Variants in IL4R observed in about 807,000 individuals in gnomAD.
The protein encoded by IL4R is interleukin 4 receptor.
Under a neutral mutation model 41.5 loss-of-function variants are expected in IL4R, and 17 were observed. The observed-to-expected ratio is 0.41, with a 90% CI of 0.28 to 0.61. The LOEUF (loss-of-function observed/expected upper bound fraction) is 0.61, where lower values mean the gene tolerates loss of function less well. Among genes scored for constraint, IL4R ranks in the 20% least tolerant of loss-of-function variants. The pLI is 0.31. For synonymous variants in IL4R, 402 were observed against 422.9 expected (o/e 0.95, Z 0.61); for missense variants, 974 against 1,043.1 (o/e 0.93, Z 0.91).
chr16:27,347,763 G>A (rs942222240), intron 6 of IL4R, among the ~76,000 whole-genome samples: 4 of 152,200 alleles, frequency 2.6e-5, no homozygotes, highest in South Asian at 2.1e-4. Context: ...TGTGCCACTC[G>A]CCAGCTGTGT....
intron 2 of IL4R, among the ~76,000 whole-genome samples, chr16:27,334,598 C>A (rs2085202190): frequency 6.6e-6 from 1 of 152,058 alleles, no homozygotes; most frequent in African/African-American, 2.4e-5. Context: ...TCTCTTTATT[C>A]ATAATTGAGG....
At chr16:27,333,960 G>A (rs2085183266) in intron 2 of IL4R, among the ~76,000 whole-genome samples, 1 of 151,758 alleles carries the variant, frequency 6.6e-6, no homozygotes, top group Admixed American at 6.6e-5. Context: ...TTGGCTCACT[G>A]CAAGCTCCGC....
At chr16:27,343,310 G>A (rs964303080) in intron 4 of IL4R, among the ~76,000 whole-genome samples, 6 of 152,212 alleles carry the variant, frequency 3.9e-5, no homozygotes, top group Non-Finnish European at 8.8e-5. Context: ...TATGGCCCGT[G>A]AGCCAAATCC....
At chr16:27,313,831 G>A (rs1406401448), upstream of IL4R, 4 of 829,584 alleles carry the variant, frequency 4.8e-6, no homozygotes, top group African/African-American at 7.4e-5. Flanking sequence ...GCCGGGACCC[G>A]GGCCGGGCGC....
chr16:27,322,385 C>T (rs1166073748), intron 1 of IL4R, among the ~76,000 whole-genome samples: 4 of 152,070 alleles, frequency 2.6e-5, no homozygotes, highest in South Asian at 2.1e-4. Context: ...CTATGTTTCC[C>T]GGGCCAGTCT....
At chr16:27,359,866 C>G (rs1182968630) in intron 9 of IL4R, 2 of 437,894 alleles carry the variant, frequency 4.6e-6, no homozygotes, top group African/African-American at 2.1e-5. Flanking sequence ...GTTACAACAA[C>G]TTTATTTAGC....
At chr16:27,362,096 A>C (rs2086313536) in intron 10 of IL4R, among the ~76,000 whole-genome samples, 156 bp from the exon 11 acceptor site, 1 of 152,198 alleles carries the variant, frequency 6.6e-6, no homozygotes, top group South Asian at 2.1e-4. Flanking sequence ...TTCTCATTCT[A>C]GCAACATAGA....
chr16:27,363,774 A>T lies in IL4R; in HGVS notation c.2422A>T (p.Thr808Ser). The T allele has an allele frequency of 6.2e-7, 1 of 1,611,216 alleles. No homozygotes were observed. Among genetic ancestry groups the T allele is most frequent in the East Asian group, 2.2e-5 (1 of 44,870 alleles). Reference sequence around the variant, plus strand: ...TGGCAATGCTCAGAGCTCAAGCCAGACCCCCAAAATCGTGAACTTTGTCTC... The same window carrying T: ...TGGCAATGCTCAGAGCTCAAGCCAGTCCCCCAAAATCGTGAACTTTGTCTC... ...APGNAQSSSQ[T>S]PKIVNFVSVG... is the part of the protein sequence containing the mutation. Residue 808 changes from threonine (T) to serine (S), a missense_variant, in exon 11 of 11, where the codon ACC becomes TCC. Thr to Ser is a moderately conservative substitution (Grantham distance 58). This residue lies in a region of IL4R where 682 missense variants were observed against 704.3 expected (regional missense o/e 0.97). Transcript: ENST00000395762.
intron 7 of IL4R, chr16:27,355,133 G>A (rs1279969931): frequency 7.8e-6 from 3 of 384,862 alleles, no homozygotes; most frequent in African/African-American, 6.3e-5. Context: ...ATTCTGGAGG[G>A]AGAGACAAAA....
intron 3 of IL4R, chr16:27,341,175 T>C (rs1182669450): frequency 1.4e-6 from 1 of 694,196 alleles, no homozygotes; most frequent in Non-Finnish European, 2.6e-6. Flanking sequence ...CTCTGGGAGG[T>C]AGATTTGAGG....
At chr16:27,359,021 GT>G in intron 9 of IL4R, 27 bp downstream of exon 9, 1 of 1,542,348 alleles carries the variant, frequency 6.5e-7, no homozygotes, top group South Asian at 1.1e-5. Context: ...ATGAGGACAT[GT>G]GGGACTGTGT....
chr16:27,333,976 G>A (rs922928689), intron 2 of IL4R, among the ~76,000 whole-genome samples: 6 of 151,832 alleles, frequency 4.0e-5, no homozygotes, highest in Non-Finnish European at 5.9e-5. Flanking sequence ...TCCGCCTCCC[G>A]GGTTCAAGCC....
chr16:27,340,282 C>T lies in IL4R; in HGVS notation c.70+9C>T, dbSNP rs199688429. The T allele has an allele frequency of 4.3e-5, 70 of 1,609,268 alleles. No individual in the cohort carries two copies. Among genetic ancestry groups the T allele is most frequent in the Non-Finnish European group, 5.5e-5 (65 of 1,175,672 alleles). On this transcript the variant is annotated intron_variant, in intron 3 of 10. Transcript: ENST00000395762. ...GCAGGTGGCAAGCTCTGGTAAGTCACCACTTCTCAATCATTCATTTGTTGG... is the reference window on the plus strand; with the variant it reads ...GCAGGTGGCAAGCTCTGGTAAGTCATCACTTCTCAATCATTCATTTGTTGG...
At chr16:27,351,335 A>G (rs2085863392) in intron 6 of IL4R, among the ~76,000 whole-genome samples, 1 of 152,124 alleles carries the variant, frequency 6.6e-6, no homozygotes. Flanking sequence ...AATCACATCC[A>G]TGAAATCCTC....
intron 2 of IL4R, among the ~76,000 whole-genome samples, chr16:27,332,427 G>A (rs556657521): frequency 3.3e-5 from 5 of 152,172 alleles, no homozygotes; most frequent in South Asian, 2.1e-4. Context: ...AACTGCTCCC[G>A]TAATCTAATC....
chr16:27,314,170 G>C, intron 1 of IL4R, 150 bp downstream of exon 1: 1 of 912,994 alleles, frequency 1.1e-6, no homozygotes, highest in South Asian at 5.0e-5. Flanking sequence ...CTCTCGGTGC[G>C]CGCGGAGCAG....
rs3024566 is a variant in IL4R at position 27,345,743 on chromosome 16, A to T, written c.361+723A>T. On this transcript the variant is annotated intron_variant, in intron 5 of 10. Coordinates refer to ENST00000395762, the MANE Select transcript of IL4R (RefSeq NM_000418.4). The surrounding 1 kb of genome is among the most constrained non-coding windows in gnomAD (Gnocchi z 4.5). ...CCCAGCACTTTGGGAGGCCGAGCCCAGCGGATCACCGGAGGTCAGGAGTTC... is the reference window on the plus strand; with the variant it reads ...CCCAGCACTTTGGGAGGCCGAGCCCTGCGGATCACCGGAGGTCAGGAGTTC... The T allele has an allele frequency of 6.5e-6, 1 of 152,758 alleles. No individual in the cohort carries two copies. Among genetic ancestry groups the T allele is most frequent in the African/African-American group, 2.4e-5 (1 of 41,146 alleles). 9.5% of individuals were successfully genotyped at this position (152,758 alleles called of 1,614,324 possible).
At chr16:27,322,982 G>A (rs2084857330) in intron 1 of IL4R, among the ~76,000 whole-genome samples, 1 of 152,026 alleles carries the variant, frequency 6.6e-6, no homozygotes, top group Non-Finnish European at 1.5e-5. Context: ...TTATGCTTCT[G>A]TGTCTCAGAT....
At chr16:27,340,303 G>T in intron 3 of IL4R, 30 bp downstream of exon 3, 1 of 1,574,880 alleles carries the variant, frequency 6.3e-7, no homozygotes, top group East Asian at 2.2e-5. Flanking sequence ...TCATTCATTT[G>T]TTGGCTATTA....
Sources: allele counts gnomAD v4.1 joint callset (sites outside exome capture counted in the v4.1 genomes callset), GRCh38; gene constraint gnomAD v4.1.1; regional missense constraint gnomAD v4.1.1; non-coding constraint Gnocchi (gnomAD v3.1); transcripts MANE v1.5; gene names NCBI Gene and HGNC (gene_info 2026-07-23, HGNC 2026-07-21).